CUX1: variants seen among roughly 807,000 people sequenced by gnomAD.
CUX1 encodes the protein cut like homeobox 1.
A neutral mutation model predicts 158.8 loss-of-function variants in CUX1; 31 were observed. The observed-to-expected ratio is 0.20, with a 90% CI of 0.15 to 0.26. The LOEUF (loss-of-function observed/expected upper bound fraction) is 0.26, where lower values mean the gene tolerates loss of function less well. Among genes scored for constraint, CUX1 ranks in the 10% least tolerant of loss-of-function variants. CUX1 has a pLI of 1.00. For synonymous variants in CUX1, 879 were observed against 862.1 expected (o/e 1.02, Z -0.34); for missense variants, 1,589 against 2,014.6 (o/e 0.79, Z 4.04).
At chr7:102,204,609 G>C in intron 19 of CUX1, 53 bp downstream of exon 19, 1 of 1,591,342 alleles carries the variant, frequency 6.3e-7, no homozygotes, top group Non-Finnish European at 8.6e-7. Flanking sequence ...GCAAGGACCT[G>C]GTCACAGCAG....
At chr7:102,027,218 C>T (rs1482494834) in intron 2 of CUX1, among the ~76,000 whole-genome samples, 1 of 152,108 alleles carries the variant, frequency 6.6e-6, no homozygotes, top group Non-Finnish European at 1.5e-5. Context: ...AAACCCATCT[C>T]TACTACAAAT....
chr7:102,105,270 G>GT lies in CUX1; in HGVS notation c.530+817dup, dbSNP rs569246578. ...ACGCGCACACACACAATCTCAGTGG[G>GT]TTTTTTGGTATTGCCTCTTTCATTA... On this transcript the variant is annotated intron_variant, in intron 6 of 23. Transcript: ENST00000292535. 3.1e-3 allele frequency among the ~76,000 whole-genome samples: 467 copies of GT among 151,892 alleles called. 4 individuals carry two copies. Among genetic ancestry groups the GT allele is most frequent in the African/African-American group, 0.011 (447 of 41,418 alleles).
chr7:101,887,548 A>T (rs1382899206), intron 1 of CUX1, among the ~76,000 whole-genome samples: 1 of 151,938 alleles, frequency 6.6e-6, no homozygotes, highest in African/African-American at 2.4e-5. Flanking sequence ...GCCTCAGGTG[A>T]TCCTCCTGCC....
chr7:102,276,305 T>A, intron 17 of CUX1, among the ~76,000 whole-genome samples: 1 of 152,198 alleles, frequency 6.6e-6, no homozygotes, highest in East Asian at 1.9e-4. Context: ...CAAGTTTTGG[T>A]TGTGTTTGTT....
At chr7:101,914,075 T>C (rs1303700632) in intron 1 of CUX1, among the ~76,000 whole-genome samples, 1 of 152,076 alleles carries the variant, frequency 6.6e-6, no homozygotes, top group African/African-American at 2.4e-5. Context: ...TTTCCCTGCC[T>C]TCCCTTAACT....
chr7:102,018,651 C>A (rs1301855424), intron 2 of CUX1, among the ~76,000 whole-genome samples: 3 of 152,226 alleles, frequency 2.0e-5, no homozygotes, highest in Non-Finnish European at 4.4e-5. Context: ...ATGAGCAGTT[C>A]TCAGCTCTGA....
chr7:102,031,467 A>G (rs1820775722), intron 3 of CUX1, among the ~76,000 whole-genome samples: 1 of 152,032 alleles, frequency 6.6e-6, no homozygotes, highest in African/African-American at 2.4e-5. Context: ...GATTCCTGAT[A>G]CCTTAAATTT....
At position 102,007,875 on chromosome 7, in the gene CUX1, G is replaced by T. The variant is rs563075148; in HGVS notation, c.142-20223G>T. 2.0e-5 allele frequency among the ~76,000 whole-genome samples: 3 copies of T among 151,958 alleles called. No homozygotes were observed. In the South Asian group the frequency reaches 6.3e-4, roughly 32 times the overall value. ...TTCTACTGTCTCAGCCTCCTGAGTA[G>T]CTGGGACTACAGGCACCCGCCACCA... On this transcript the variant is annotated intron_variant, in intron 2 of 23. Transcript: ENST00000292535.
chr7:102,064,226 G>A (rs1585490949), intron 3 of CUX1, among the ~76,000 whole-genome samples: 1 of 152,008 alleles, frequency 6.6e-6, no homozygotes, highest in East Asian at 1.9e-4. Context: ...CTGTGTGAGA[G>A]TGTGTGTGAA....
At chr7:101,879,509 G>A (rs931728729) in intron 1 of CUX1, among the ~76,000 whole-genome samples, 1 of 152,150 alleles carries the variant, frequency 6.6e-6, no homozygotes, top group Non-Finnish European at 1.5e-5. Flanking sequence ...GCTTCCCTGT[G>A]GCTGGGAGCC....
In CUX1 at chr7:101,869,122, C is replaced by T. The variant is rs1335634872; in HGVS notation, c.31-46993C>T. 1.3e-5 allele frequency among the ~76,000 whole-genome samples: 2 copies of T among 151,806 alleles called. No individual in the cohort carries two copies. Among genetic ancestry groups the T allele is most frequent in the African/African-American group, 4.8e-5 (2 of 41,310 alleles). ...ATGGACTTGGGCAGGTAGCAAAGGC[C>T]AGAAGGAGTGGGAGTCATTCCACCT... On this transcript the variant is annotated intron_variant, in intron 1 of 23. Coordinates refer to ENST00000292535, the MANE Select transcript of CUX1 (RefSeq NM_181552.4). This position sits in a 1 kb window ranked among gnomAD's most constrained non-coding sequence, Gnocchi z 4.5.
At chr7:102,281,264 G>A (rs1554549170) in intron 20 of CUX1, among the ~76,000 whole-genome samples, 1 of 152,130 alleles carries the variant, frequency 6.6e-6, no homozygotes, top group Non-Finnish European at 1.5e-5. Flanking sequence ...CAGCTACTCA[G>A]GAGGCTGACG....
chr7:101,864,997 AT>A (rs1437433803), intron 1 of CUX1, among the ~76,000 whole-genome samples: 1 of 152,234 alleles, frequency 6.6e-6, no homozygotes, highest in Non-Finnish European at 1.5e-5. Context: ...ATTATTCATG[AT>A]GTATATCTTT....
At chr7:102,052,763 T>C (rs1274821115) in intron 3 of CUX1, among the ~76,000 whole-genome samples, 1 of 152,194 alleles carries the variant, frequency 6.6e-6, no homozygotes, top group East Asian at 1.9e-4. Context: ...GTCAGCAATG[T>C]AGGAGGGTTC....
At chr7:102,075,704 C>G (rs1333954158) in intron 4 of CUX1, among the ~76,000 whole-genome samples, 2 of 152,198 alleles carry the variant, frequency 1.3e-5, no homozygotes, top group Non-Finnish European at 2.9e-5. Context: ...CTGCAGAGCA[C>G]TAAGACAAGT....
chr7:102,269,213 G>T lies in CUX1; in HGVS notation c.1256-4153G>T, dbSNP rs191004418. On this transcript the variant is annotated intron_variant, in intron 14 of 22. Coordinates refer to the CUX1 transcript ENST00000292538. ...TGGTCTCGAATTCCTGGGCTCCAGTGATCCTCCCTCCTCAGCCTCCCAAAG... is the reference window on the plus strand; with the variant it reads ...TGGTCTCGAATTCCTGGGCTCCAGTTATCCTCCCTCCTCAGCCTCCCAAAG... Among the ~76,000 whole-genome samples the T allele has an allele frequency of 1.2e-3, 182 of 151,964 alleles. 1 individual carries two copies. Among genetic ancestry groups the T allele is most frequent in the African/African-American group, 4.3e-3 (177 of 41,428 alleles).
intron 3 of CUX1, among the ~76,000 whole-genome samples, chr7:102,060,608 AACACACACAC>A (rs58786987): frequency 7.1e-4 from 94 of 133,302 alleles, no homozygotes; most frequent in African/African-American, 2.0e-3. Context: ...CACACAAATA[AACACACACAC>A]ACACACACAC....
rs373412162 is a variant in CUX1, at chr7:102,204,438, G to A, written c.2955G>A (p.Pro985=). ...QGSVSDMLSR[P]KPWSKLTQKG... is the part of the protein sequence containing the mutation. ...GCGTCAGCGACATGCTGTCCCGACCGAAGCCATGGAGCAAGCTGACGCAGA... is the reference window on the plus strand; with the variant it reads ...GCGTCAGCGACATGCTGTCCCGACCAAAGCCATGGAGCAAGCTGACGCAGA... The change falls in exon 19 of 24, where the codon CCG becomes CCA. Residue 985 remains proline (P), a synonymous_variant. Transcript: ENST00000292535. The A allele has an allele frequency of 1.7e-5, 28 of 1,613,582 alleles. No individual in the cohort carries two copies. The highest frequency in any genetic ancestry group is 1.6e-4 in the Middle Eastern group (1 of 6,084).
At chr7:102,199,055 C>T (rs889675426) in intron 16 of CUX1, among the ~76,000 whole-genome samples, 188 bp downstream of exon 16, 13 of 152,146 alleles carry the variant, frequency 8.5e-5, no homozygotes, top group Non-Finnish European at 2.9e-5. Context: ...GCTGCCTGCC[C>T]TCTCCCAAGC....
Sources: allele counts gnomAD v4.1 joint callset (sites outside exome capture counted in the v4.1 genomes callset), GRCh38; gene constraint gnomAD v4.1.1; non-coding constraint Gnocchi (gnomAD v3.1); transcripts MANE v1.5; gene names NCBI Gene and HGNC (gene_info 2026-07-23, HGNC 2026-07-21).